KHDC1: variants seen among roughly 807,000 people sequenced by gnomAD.
KHDC1 encodes KH domain containing 1.
Under a neutral mutation model 24.7 loss-of-function variants are expected in KHDC1, and 21 were observed. The observed-to-expected ratio is 0.85, with a 90% CI of 0.60 to 1.23. The LOEUF is 1.23. KHDC1 is among the 50% of genes most tolerant of loss of function. The pLI is 0.00. For missense variants in KHDC1, 274 were observed against 298.5 expected (o/e 0.92, Z 0.61); for synonymous variants, 98 against 111.7 (o/e 0.88, Z 0.77).
intron 1 of KHDC1, among the ~76,000 whole-genome samples, chr6:73,303,088 T>C (rs987339638): frequency 2.0e-5 from 3 of 151,926 alleles, no homozygotes; most frequent in African/African-American, 7.3e-5. Context: ...AAAATAAAAA[T>C]AAAAAGATGG....
At chr6:73,259,244 C>A in intron 2 of KHDC1, among the ~76,000 whole-genome samples, 1 of 144,100 alleles carries the variant, frequency 6.9e-6, no homozygotes, top group Non-Finnish European at 1.5e-5. Context: ...CATCTTTCCT[C>A]ATTTTGGAAG....
In KHDC1 at chr6:73,247,246, A is replaced by C. The variant is rs141899118; in HGVS notation, c.207-4716T>G. Among the ~76,000 whole-genome samples the C allele has an allele frequency of 7.0e-3, 1,069 of 151,992 alleles. 12 individuals are homozygous for C. The highest frequency in any genetic ancestry group is 0.012 in the Non-Finnish European group (806 of 67,962). ...CCCACCTCAGCCTCCCAAAGTGCTG[A>C]GATTACAGGTATGAGCCAACACGCC... is the stretch of plus-strand genomic sequence containing the variant. On this transcript the variant is annotated intron_variant, in intron 2 of 4. Transcript: ENST00000370384.
chr6:73,246,192 T>C (rs1362825832), intron 2 of KHDC1, among the ~76,000 whole-genome samples: 1 of 152,192 alleles, frequency 6.6e-6, no homozygotes, highest in Non-Finnish European at 1.5e-5. Context: ...GTTTGTTTGT[T>C]TGTTTTAAGC....
intron 2 of KHDC1, among the ~76,000 whole-genome samples, chr6:73,283,757 G>A (rs1001064869): frequency 6.6e-6 from 1 of 150,456 alleles, no homozygotes; most frequent in Non-Finnish European, 1.5e-5. Context: ...TGTATTTTTA[G>A]TAGGGAAAGG....
intron 1 of KHDC1, among the ~76,000 whole-genome samples, chr6:73,295,515 C>A (rs1385826037): frequency 6.6e-6 from 1 of 151,720 alleles, no homozygotes; most frequent in Admixed American, 6.6e-5. Flanking sequence ...CCAGCCTGGG[C>A]AACATAACAA....
intron 2 of KHDC1, among the ~76,000 whole-genome samples, chr6:73,243,325 A>G (rs1766610177): frequency 6.6e-6 from 1 of 152,124 alleles, no homozygotes; most frequent in South Asian, 2.1e-4. Context: ...GTCAGCTCCC[A>G]ACTGTGAGTT....
chr6:73,269,301 A>G (rs1767139634), intron 2 of KHDC1: 2 of 152,480 alleles, frequency 1.3e-5, no homozygotes, highest in Admixed American at 1.3e-4. Context: ...GGCCTTGGCC[A>G]GCCCAGAAAG....
chr6:73,283,864 C>T (rs13211102), intron 2 of KHDC1, among the ~76,000 whole-genome samples: 12,049 of 151,968 alleles, frequency 0.079, 522 homozygotes, highest in East Asian at 0.13. Context: ...GAGTGACCAC[C>T]GTGCCTGGCA....
intron 2 of KHDC1, chr6:73,291,875 C>T: frequency 9.6e-7 from 1 of 1,038,964 alleles, no homozygotes; most frequent in African/African-American, 1.6e-5. Context: ...TTACACAATA[C>T]ATTCATGTAA....
rs980776766 is a variant in KHDC1, at chr6:73,306,851, A to G, written c.163+2701T>C. On this transcript the variant is annotated intron_variant, in intron 1 of 4. Transcript: ENST00000370384. ...GTGAAACCCCGTCTCTACTAAAAAT[A>G]CAAAAAAATTAGCCAGGTGTGGTGG... 7.9e-5 allele frequency among the ~76,000 whole-genome samples: 12 copies of G among 152,044 alleles called. 1 individual carries two copies. Among genetic ancestry groups the G allele is most frequent in the African/African-American group, 2.9e-4 (12 of 41,360 alleles).
chr6:73,285,832 C>T (rs893675826), intron 2 of KHDC1, among the ~76,000 whole-genome samples: 1 of 152,052 alleles, frequency 6.6e-6, no homozygotes, highest in Non-Finnish European at 1.5e-5. Context: ...ATCAGGCTTT[C>T]CAGATTTTGG....
intron 2 of KHDC1, among the ~76,000 whole-genome samples, chr6:73,251,159 G>A (rs1310812784): frequency 1.3e-5 from 2 of 152,064 alleles, no homozygotes; most frequent in Admixed American, 1.3e-4. Context: ...AAATGTATAT[G>A]CAATAGTTCT....
At chr6:73,241,763 G>A in intron 4 of KHDC1, 35 bp from the exon 4 acceptor site, 1 of 1,609,308 alleles carries the variant, frequency 6.2e-7, no homozygotes, top group African/African-American at 1.3e-5. Context: ...ATGAACCAGG[G>A]CCCATAACTG....
chr6:73,275,336 G>A (rs1392156028), intron 2 of KHDC1: 1 of 155,256 alleles, frequency 6.4e-6, no homozygotes, highest in African/African-American at 2.4e-5. Flanking sequence ...GGCAACAAGA[G>A]CGAAACTCTG....
intron 2 of KHDC1, among the ~76,000 whole-genome samples, chr6:73,283,733 C>A (rs1341388576): frequency 6.6e-6 from 1 of 151,148 alleles, no homozygotes; most frequent in Non-Finnish European, 1.5e-5. Flanking sequence ...CTCTGCCCCC[C>A]AGGTTCAAAT....
At chr6:73,263,786 A>G (rs1465189299) in intron 2 of KHDC1, among the ~76,000 whole-genome samples, 1 of 152,074 alleles carries the variant, frequency 6.6e-6, no homozygotes, top group Non-Finnish European at 1.5e-5. Context: ...TGCGGATTCC[A>G]TTTTACTCCT....
intron 2 of KHDC1, among the ~76,000 whole-genome samples, chr6:73,255,385 A>C (rs1766863154): frequency 6.6e-6 from 1 of 150,566 alleles, no homozygotes; most frequent in African/African-American, 2.4e-5. Context: ...CGCCCAGATA[A>C]TTTTTGCATT....
At chr6:73,261,634 C>G (rs1048059870) in intron 2 of KHDC1, among the ~76,000 whole-genome samples, 5 of 151,510 alleles carry the variant, frequency 3.3e-5, no homozygotes, top group Non-Finnish European at 7.4e-5. Context: ...AAAAAATAGG[C>G]TGGGAGTGGT....
intron 1 of KHDC1, among the ~76,000 whole-genome samples, chr6:73,294,971 T>C (rs776485857): frequency 2.6e-5 from 4 of 152,074 alleles, no homozygotes; most frequent in Admixed American, 6.5e-5. Context: ...CTGGTCAACA[T>C]AGCAAAACCC....
Sources: allele counts gnomAD v4.1 joint callset (sites outside exome capture counted in the v4.1 genomes callset), GRCh38; gene constraint gnomAD v4.1.1; transcripts MANE v1.5; gene names NCBI Gene and HGNC (gene_info 2026-07-23, HGNC 2026-07-21).